The following ASIC2 variants were observed in gnomAD, a reference collection of about 807,000 sequenced individuals.
The protein encoded by ASIC2 is acid-sensing ion channel 2.
In ASIC2, 25 loss-of-function variants were observed where a neutral mutation model predicts 57.3. The ratio of observed to expected loss-of-function variants is 0.44; its 90% CI spans 0.32 to 0.61. The LOEUF is 0.61. Ranked by LOEUF, ASIC2 falls within the 20% of genes least tolerant of loss-of-function variation. The probability of loss-of-function intolerance (pLI) is 0.06; values close to 1 mark genes in which losing one functional copy is unlikely to be tolerated. For synonymous variants in ASIC2, 319 were observed against 307.5 expected (o/e 1.04, Z -0.39); for missense variants, 641 against 738.1 (o/e 0.87, Z 1.52).
intron 1 of ASIC2, among the ~76,000 whole-genome samples, chr17:33,487,753 CA>C (rs1343809725): frequency 6.6e-6 from 1 of 152,214 alleles, no homozygotes; most frequent in Non-Finnish European, 1.5e-5. Context: ...GATGGAAGAG[CA>C]GGCTTGCTGA....
intron 1 of ASIC2, among the ~76,000 whole-genome samples, chr17:33,665,479 A>C (rs1181540728): frequency 6.6e-6 from 1 of 152,204 alleles, no homozygotes; most frequent in African/African-American, 2.4e-5. Flanking sequence ...AGTTGTTTCT[A>C]CTTGAAACTA....
At position 33,933,350 on chromosome 17, in the gene ASIC2, TC is replaced by T. The variant is rs535698975; in HGVS notation, c.555+222627del. ...TTGAATTGCATGTTTACTTTCTGTT[TC>T]CTCCAGACAGGGAGCCTCTGTCTCT... On this transcript the variant is annotated intron_variant, in intron 1 of 9. Transcript: ENST00000359872. Among the ~76,000 whole-genome samples the T allele has an allele frequency of 1.3e-3, 204 of 152,364 alleles. 1 individual carries two copies. The highest frequency in any genetic ancestry group is 4.6e-3 in the African/African-American group (192 of 41,584).
chr17:33,157,887 A>G (rs1327051970), intron 1 of ASIC2, among the ~76,000 whole-genome samples: 1 of 152,150 alleles, frequency 6.6e-6, no homozygotes, highest in African/African-American at 2.4e-5. Flanking sequence ...AGACTCTCTG[A>G]GCTCATCACC....
At chr17:33,852,375 C>G (rs74656063) in intron 1 of ASIC2, among the ~76,000 whole-genome samples, 2,471 of 152,230 alleles carry the variant, frequency 0.016, 57 homozygotes, top group African/African-American at 0.056. Context: ...CGTCCCCTTT[C>G]TGGTGGAGAT....
chr17:33,307,055 C>A (rs928056025), intron 1 of ASIC2, among the ~76,000 whole-genome samples: 8 of 152,100 alleles, frequency 5.3e-5, no homozygotes, highest in African/African-American at 1.9e-4. Context: ...CCCTTCTCAC[C>A]CTGGCCCCAT....
At chr17:33,494,614 T>TACACTGCAGCAC (rs1376617173) in intron 1 of ASIC2, among the ~76,000 whole-genome samples, 11 of 152,204 alleles carry the variant, frequency 7.2e-5, no homozygotes, top group African/African-American at 1.9e-4. Flanking sequence ...GGAAGCAGCA[T>TACACTGCAGCAC]ACACTGCAGC....
chr17:33,277,838 T>C (rs1904767739), intron 1 of ASIC2, among the ~76,000 whole-genome samples: 1 of 152,232 alleles, frequency 6.6e-6, no homozygotes, highest in African/African-American at 2.4e-5. Context: ...CTATGTTACA[T>C]TAGCATTCCG....
chr17:33,026,838 C>T (rs908990374), intron 4 of ASIC2, among the ~76,000 whole-genome samples: 7 of 152,144 alleles, frequency 4.6e-5, no homozygotes, highest in African/African-American at 1.4e-4. Context: ...TTATCATTTT[C>T]CCCAAATCCT....
intron 1 of ASIC2, among the ~76,000 whole-genome samples, chr17:33,550,287 A>G (rs540341981): frequency 6.6e-6 from 1 of 152,346 alleles, no homozygotes; most frequent in East Asian, 1.9e-4. Flanking sequence ...TTTTAAGGCA[A>G]TATCTCCTTT....
At chr17:33,906,979 A>T (rs958584449) in intron 1 of ASIC2, among the ~76,000 whole-genome samples, 1 of 152,062 alleles carries the variant, frequency 6.6e-6, no homozygotes, top group Non-Finnish European at 1.5e-5. Context: ...GTCTCCTTTC[A>T]ATCAGCTGAA....
intron 1 of ASIC2, among the ~76,000 whole-genome samples, chr17:33,796,088 A>G (rs1052292033): frequency 7.2e-5 from 11 of 152,268 alleles, no homozygotes; most frequent in African/African-American, 2.7e-4. Flanking sequence ...GCCAAGTGCC[A>G]CAATCACAGT....
At chr17:33,335,163 G>A (rs1236131597) in intron 1 of ASIC2, among the ~76,000 whole-genome samples, 1 of 152,196 alleles carries the variant, frequency 6.6e-6, no homozygotes, top group Non-Finnish European at 1.5e-5. Context: ...GATAGCATTA[G>A]CGCTAGCGTC....
chr17:33,123,572 A>G (rs1291546307), intron 1 of ASIC2, among the ~76,000 whole-genome samples: 1 of 152,194 alleles, frequency 6.6e-6, no homozygotes, highest in Non-Finnish European at 1.5e-5. Flanking sequence ...ATTTACGGGA[A>G]TACCTGCCTG....
chr17:34,063,967 T>G (rs1909067934), intron 1 of ASIC2, among the ~76,000 whole-genome samples: 1 of 152,020 alleles, frequency 6.6e-6, no homozygotes. Flanking sequence ...AATCTAAAAA[T>G]TCAGTGCAAT....
At chr17:33,311,565 T>G (rs1025370062) in intron 1 of ASIC2, among the ~76,000 whole-genome samples, 5 of 152,110 alleles carry the variant, frequency 3.3e-5, no homozygotes, top group African/African-American at 9.7e-5. Flanking sequence ...TAATTCTTCA[T>G]GTACCTGTTT....
At chr17:33,375,679 A>C (rs8074678) in intron 1 of ASIC2, among the ~76,000 whole-genome samples, 18,507 of 152,152 alleles carry the variant, frequency 0.12, 1,430 homozygotes, top group African/African-American at 0.22. Flanking sequence ...GGAAGGTCAC[A>C]GTGGCCTGAA....
chr17:33,083,808 G>A (rs748920555), intron 3 of ASIC2, among the ~76,000 whole-genome samples: 3 of 152,160 alleles, frequency 2.0e-5, no homozygotes, highest in Non-Finnish European at 2.9e-5. Flanking sequence ...GGACTCCAGA[G>A]CCATTCTAAG....
rs932220406 is a variant in ASIC2, at chr17:33,628,916, C to T, written c.556-516849G>A. On this transcript the variant is annotated intron_variant, in intron 1 of 9. Coordinates refer to the ASIC2 transcript ENST00000359872. ...CCCATGCTCTTAGCCCTGCACTGTG[C>T]CTGGCAGTATCTGTTGCACGTGGGA... is the stretch of plus-strand genomic sequence containing the variant. 2.1e-4 allele frequency among the ~76,000 whole-genome samples: 32 copies of T among 152,202 alleles called. 1 individual carries two copies. Among genetic ancestry groups the T allele is most frequent in the African/African-American group, 7.7e-4 (32 of 41,448 alleles).
chr17:33,018,250 C>G (rs1400855619), intron 7 of ASIC2, among the ~76,000 whole-genome samples: 1 of 152,198 alleles, frequency 6.6e-6, no homozygotes, highest in Non-Finnish European at 1.5e-5. Context: ...TATAGGCCCC[C>G]ATTATTCAAA....
Sources: gnomAD v4.1 joint callset for allele counts (sites outside exome capture counted in the v4.1 genomes callset) on GRCh38, gnomAD v4.1.1 for gene constraint, MANE v1.5 for transcripts, NCBI Gene and HGNC (gene_info 2026-07-23, HGNC 2026-07-21) for gene names.